The following TENM3 variants were observed in gnomAD, a reference collection of about 807,000 sequenced individuals.
TENM3 encodes teneurin-3.
TENM3 carries 63 observed loss-of-function variants against 255.1 expected under a neutral mutation model. That is an observed-to-expected ratio of 0.25 (90% CI 0.20 to 0.30). The LOEUF (loss-of-function observed/expected upper bound fraction) is 0.30. TENM3 is among the 10% of genes least tolerant of loss of function. The pLI, the probability that TENM3 is intolerant of heterozygous loss-of-function variation, is 1.00. For synonymous variants in TENM3, 1,306 were observed against 1,322.3 expected (o/e 0.99, Z 0.27); for missense variants, 2,929 against 3,461.1 (o/e 0.85, Z 3.86).
At chr4:181,629,457 A>G in the TENM3 span, among the ~76,000 whole-genome samples, 2 of 152,124 alleles carry the variant, frequency 1.3e-5, no homozygotes, top group East Asian at 3.9e-4. Flanking sequence ...CATTCAGTAT[A>G]ATATTGGCTG....
chr4:182,401,332 T>C (rs1324567809), intron 3 of TENM3, among the ~76,000 whole-genome samples: 2 of 152,226 alleles, frequency 1.3e-5, no homozygotes, highest in Non-Finnish European at 2.9e-5. Context: ...ATGCCTTAAT[T>C]ATTTGTTTGG....
the TENM3 span, among the ~76,000 whole-genome samples, chr4:181,588,574 C>G: frequency 6.6e-6 from 1 of 152,092 alleles, no homozygotes; most frequent in Admixed American, 6.5e-5. Flanking sequence ...GGAATGAAAG[C>G]CCTAGAGCCT....
At chr4:181,543,769 G>GC in the TENM3 span, among the ~76,000 whole-genome samples, 1 of 152,306 alleles carries the variant, frequency 6.6e-6, no homozygotes, top group South Asian at 2.1e-4. Context: ...TTAGGCTGAT[G>GC]AAGCCCAAGG....
rs1295882745 is a variant in TENM3, at chr4:182,149,850, T to G, written c.-76+5096T>G. On this transcript the variant is annotated intron_variant, in intron 1 of 2. Transcript: ENST00000512480. ...ATTTATTACTATTATTACTTACTAT[T>G]TGACCCACATTCATAGTTCTGTAGT... is the stretch of plus-strand genomic sequence containing the variant. Among the ~76,000 whole-genome samples the G allele has an allele frequency of 2.6e-5, 4 of 152,114 alleles. No homozygotes were observed. In the East Asian group the frequency reaches 7.7e-4, roughly 29 times the overall value.
chr4:181,889,198 C>T, the TENM3 span, among the ~76,000 whole-genome samples: 5 of 152,170 alleles, frequency 3.3e-5, no homozygotes, highest in Non-Finnish European at 5.9e-5. Context: ...CATCACAGGG[C>T]GGATCCCTCA....
At chr4:181,905,261 C>CCACTTA in the TENM3 span, among the ~76,000 whole-genome samples, 2 of 152,286 alleles carry the variant, frequency 1.3e-5, no homozygotes, top group African/African-American at 4.8e-5. Flanking sequence ...CCTTCACTTA[C>CCACTTA]TGGTGGTAAG....
the TENM3 span, among the ~76,000 whole-genome samples, chr4:182,029,275 T>A: frequency 6.6e-6 from 1 of 152,112 alleles, no homozygotes; most frequent in East Asian, 1.9e-4. Flanking sequence ...TCTTGCTCCA[T>A]GATCCAATCA....
At chr4:181,575,228 C>A in the TENM3 span, among the ~76,000 whole-genome samples, 2 of 152,056 alleles carry the variant, frequency 1.3e-5, no homozygotes, top group Non-Finnish European at 2.9e-5. Flanking sequence ...AATTTAGAAG[C>A]TCTACATCTC....
At chr4:181,475,239 C>A in the TENM3 span, among the ~76,000 whole-genome samples, 3 of 152,162 alleles carry the variant, frequency 2.0e-5, no homozygotes, top group East Asian at 5.8e-4. Flanking sequence ...TTTATTTGGG[C>A]CCCTATAGAC....
the TENM3 span, among the ~76,000 whole-genome samples, chr4:181,504,225 A>G: frequency 3.9e-5 from 6 of 152,316 alleles, no homozygotes; most frequent in South Asian, 8.3e-4. Context: ...GCCAACTTCC[A>G]GATGGCCCAC....
the TENM3 span, among the ~76,000 whole-genome samples, chr4:181,820,766 C>A: frequency 6.6e-6 from 1 of 152,254 alleles, no homozygotes; most frequent in East Asian, 1.9e-4. Flanking sequence ...CCTTTACCCT[C>A]CCCCACACTG....
At chr4:182,651,667 A>G (rs1410932332) in intron 5 of TENM3, among the ~76,000 whole-genome samples, 2 of 151,922 alleles carry the variant, frequency 1.3e-5, no homozygotes, top group Non-Finnish European at 2.9e-5. Flanking sequence ...ACTGCACTCC[A>G]TCCTGGGTGA....
chr4:182,680,306 T>G lies in TENM3; in HGVS notation c.1596T>G (p.Thr532=). The G allele has an allele frequency of 6.2e-7, 1 of 1,613,918 alleles. No homozygotes were observed. The highest frequency in any genetic ancestry group is 1.3e-5 in the African/African-American group (1 of 75,036). The change falls in exon 9 of 28, where the codon ACT becomes ACG. Residue 532 remains threonine (T), a synonymous_variant. Coordinates refer to ENST00000511685, the MANE Select transcript of TENM3 (RefSeq NM_001080477.4). ...GAAATGGAGAATGCGTTTCTGGAAC[T>G]TGCCATTGTTTTCCAGGATTTCTGG... is the stretch of plus-strand genomic sequence containing the variant. ...CHGNGECVSG[T]CHCFPGFLGP...
chr4:182,452,289 T>A (rs531908611), intron 3 of TENM3, among the ~76,000 whole-genome samples: 2 of 150,202 alleles, frequency 1.3e-5, no homozygotes, highest in African/African-American at 4.9e-5. Context: ...ATAAATAAAT[T>A]ATTAGGAGCA....
the TENM3 span, among the ~76,000 whole-genome samples, chr4:181,956,997 G>A: frequency 6.6e-6 from 1 of 152,144 alleles, no homozygotes; most frequent in African/African-American, 2.4e-5. Flanking sequence ...CGATAACTCT[G>A]TAAATTATTC....
chr4:181,923,164 C>T, the TENM3 span, among the ~76,000 whole-genome samples: 2 of 151,866 alleles, frequency 1.3e-5, no homozygotes, highest in South Asian at 2.1e-4. Flanking sequence ...AGTATGTGGT[C>T]GATTTTGGAA....
chr4:182,017,946 G>T, the TENM3 span, among the ~76,000 whole-genome samples: 1 of 152,178 alleles, frequency 6.6e-6, no homozygotes, highest in Admixed American at 6.5e-5. Flanking sequence ...ACTGAGCAAG[G>T]CACGGAGCTT....
At chr4:182,720,062 T>TCA (rs539752485) in intron 13 of TENM3, among the ~76,000 whole-genome samples, 2,393 of 149,620 alleles carry the variant, frequency 0.016, 64 homozygotes, top group South Asian at 0.13. Flanking sequence ...ACCCTGTCTC[T>TCA]CACACACACA....
intron 3 of TENM3, among the ~76,000 whole-genome samples, chr4:182,509,701 G>A (rs950770234): frequency 7.9e-5 from 12 of 152,126 alleles, no homozygotes; most frequent in African/African-American, 2.7e-4. Context: ...ACTTTGGGAG[G>A]CCAAGACAGG....
Sources: gnomAD v4.1 joint callset for allele counts (sites outside exome capture counted in the v4.1 genomes callset) on GRCh38, gnomAD v4.1.1 for gene constraint, MANE v1.5 for transcripts, NCBI Gene and HGNC (gene_info 2026-07-23, HGNC 2026-07-21) for gene names.